Variants in SEMA5B observed in about 807,000 individuals in gnomAD.
SEMA5B encodes the protein semaphorin 5B.
In SEMA5B, 66 loss-of-function variants were observed where a neutral mutation model predicts 135.0. That is an observed-to-expected ratio of 0.49 (90% CI 0.40 to 0.60). The LOEUF (loss-of-function observed/expected upper bound fraction) is 0.60. Ranked by LOEUF, SEMA5B falls within the 20% of genes least tolerant of loss-of-function variation. The pLI, the probability that SEMA5B is intolerant of heterozygous loss-of-function variation, is 0.00. For missense variants in SEMA5B, 1,501 were observed against 1,566.3 expected (o/e 0.96, Z 0.70); for synonymous variants, 690 against 639.5 (o/e 1.08, Z -1.19).
intron 1 of SEMA5B, among the ~76,000 whole-genome samples, chr3:122,990,414 T>G (rs142396238): frequency 6.6e-6 from 1 of 152,258 alleles, no homozygotes; most frequent in Non-Finnish European, 1.5e-5. Flanking sequence ...AAAGGCCACA[T>G]GAGAGCCCAA....
chr3:122,912,101 C>T, intron 19 of SEMA5B, 32 bp from the exon 20 acceptor site: 1 of 1,595,964 alleles, frequency 6.3e-7, no homozygotes, highest in Non-Finnish European at 8.6e-7. Context: ...AGGTTAACTG[C>T]CCAGGGACCC....
intron 1 of SEMA5B, chr3:122,993,030 G>A (rs1182834572): frequency 6.6e-6 from 1 of 152,340 alleles, no homozygotes; most frequent in Non-Finnish European, 1.5e-5. Flanking sequence ...GGGCTGATGA[G>A]GAGTTCTCAG....
chr3:123,003,958 T>C (rs1249420732), intron 1 of SEMA5B, among the ~76,000 whole-genome samples: 1 of 152,224 alleles, frequency 6.6e-6, no homozygotes, highest in African/African-American at 2.4e-5. Context: ...TGACTTCTGG[T>C]GGCTCTTTAT....
In SEMA5B at chr3:122,948,715, A is replaced by C; in HGVS notation, c.125-6T>G. On this transcript the variant is annotated splice_polypyrimidine_tract_variant and splice_region_variant and intron_variant, in intron 2 of 22. Coordinates refer to ENST00000357599, the MANE Select transcript of SEMA5B (RefSeq NM_001031702.4). The stretch of plus-strand genomic sequence containing the variant: ...AGGCAGACAGGGGAGAAGACCTGCA[A>C]CGTAAACACTCAGTCTCACCAAGCG... 1 of 1,588,068 alleles carries C rather than the reference A, an allele frequency of 6.3e-7. No homozygotes were observed. Among genetic ancestry groups the C allele is most frequent in the Non-Finnish European group, 8.6e-7 (1 of 1,161,638 alleles).
intron 5 of SEMA5B, among the ~76,000 whole-genome samples, chr3:122,932,243 A>ATTTTTTTTTTTTTT (rs71136597): frequency 1.2e-5 from 1 of 85,380 alleles, no homozygotes; most frequent in African/African-American, 4.6e-5. Flanking sequence ...TCTCAATATG[A>ATTTTTTTTTTTTTT]TTTTTTTTTT....
At chr3:122,927,061 G>A (rs549746294) in intron 8 of SEMA5B, among the ~76,000 whole-genome samples, 5 of 152,306 alleles carry the variant, frequency 3.3e-5, no homozygotes, top group Admixed American at 6.5e-5. Flanking sequence ...AAAAGTAATC[G>A]CAATTTTCAC....
At chr3:122,964,753 A>G (rs942958279) in intron 1 of SEMA5B, among the ~76,000 whole-genome samples, 1 of 152,210 alleles carries the variant, frequency 6.6e-6, no homozygotes, top group African/African-American at 2.4e-5. Context: ...CTTTAGCTTC[A>G]AACTCAAGGC....
rs1284674552 is a variant in SEMA5B at position 122,913,518 on chromosome 3, C to T, written c.2280+16G>A. The T allele has an allele frequency of 6.2e-7, 1 of 1,605,336 alleles. No individual in the cohort carries two copies. Among genetic ancestry groups the T allele is most frequent in the Non-Finnish European group, 8.5e-7 (1 of 1,177,344 alleles). ...TACCCTACACCGCGCCCCTGGCCCA[C>T]GGCCCCAACCCTCACCACGCCGCAG... is the stretch of plus-strand genomic sequence containing the variant. On this transcript the variant is annotated intron_variant, in intron 16 of 22. Transcript: ENST00000357599.
chr3:122,923,853 G>T lies in SEMA5B; in HGVS notation c.1137-101C>A, dbSNP rs1938495588. On this transcript the variant is annotated intron_variant, in intron 9 of 22. Coordinates refer to ENST00000357599, the MANE Select transcript of SEMA5B (RefSeq NM_001031702.4). Reference sequence around the variant, plus strand: ...TGTCATGTCCAATTCCCAAGGCTCTGTAAGCATCTATGATGTGTCTGGCAC... The same window carrying T: ...TGTCATGTCCAATTCCCAAGGCTCTTTAAGCATCTATGATGTGTCTGGCAC... 4.4e-6 allele frequency: 6 copies of T among 1,358,068 alleles called. No homozygotes were observed. The Admixed American group carries it at 1.0e-4, about 24-fold the overall frequency. The allele number at this position is 1,358,068 out of a possible 1,614,324, so 84.1% of individuals were successfully genotyped here. A position where few individuals can be genotyped will look rare whatever the true frequency, so the allele number is the denominator to read the frequency against.
intron 4 of SEMA5B, among the ~76,000 whole-genome samples, chr3:122,941,552 A>G (rs911703043): frequency 1.3e-5 from 2 of 152,246 alleles, no homozygotes; most frequent in African/African-American, 4.8e-5. Flanking sequence ...TACTACATGT[A>G]TTAGATTAAA....
intron 1 of SEMA5B, among the ~76,000 whole-genome samples, chr3:123,010,009 T>G (rs1942399760): frequency 6.6e-6 from 1 of 152,170 alleles, no homozygotes; most frequent in Non-Finnish European, 1.5e-5. Context: ...AGGTGCCTGA[T>G]TCACCCGGGA....
At chr3:122,997,463 C>T (rs1012966473) in intron 1 of SEMA5B, among the ~76,000 whole-genome samples, 1 of 152,100 alleles carries the variant, frequency 6.6e-6, no homozygotes, top group Non-Finnish European at 1.5e-5. Flanking sequence ...ACCCCATCCC[C>T]TGGTTCACAG....
chr3:122,996,468 C>T (rs1055587496), intron 1 of SEMA5B, among the ~76,000 whole-genome samples: 1 of 152,222 alleles, frequency 6.6e-6, no homozygotes, highest in Non-Finnish European at 1.5e-5. Flanking sequence ...GCTGCCCTGA[C>T]CCCGGCCCCG....
chr3:123,002,539 C>A (rs1221957704), intron 1 of SEMA5B, among the ~76,000 whole-genome samples: 1 of 152,196 alleles, frequency 6.6e-6, no homozygotes, highest in Admixed American at 6.5e-5. Flanking sequence ...CACCAATTAA[C>A]TAAGTGAGAA....
intron 14 of SEMA5B, among the ~76,000 whole-genome samples, chr3:122,915,137 C>T (rs1161198089): frequency 1.3e-5 from 2 of 152,198 alleles, no homozygotes; most frequent in Non-Finnish European, 2.9e-5. Context: ...CCATGCTGTT[C>T]CTCATGTTTG....
At chr3:122,919,941 C>T (rs527845933) in intron 12 of SEMA5B, among the ~76,000 whole-genome samples, 51 of 152,240 alleles carry the variant, frequency 3.3e-4, no homozygotes, top group South Asian at 2.7e-3. Flanking sequence ...AGAATGTGAG[C>T]GCAGGCCTCC....
intron 1 of SEMA5B, chr3:122,975,932 TC>T: frequency 6.8e-7 from 1 of 1,468,354 alleles, no homozygotes. Flanking sequence ...CTCTGGCCAT[TC>T]CCCCTCCATC....
chr3:122,929,041 G>C lies in SEMA5B; in HGVS notation c.492C>G (p.Ser164=). The change falls in exon 6 of 23, where the codon TCC becomes TCG. Residue 164 remains serine (S), a synonymous_variant. Transcript: ENST00000357599. ...GGCAGGAGCGGCGCGTGTCCTCACTGGAGGCCCACTCTGTGGCCTGGGGGA... is the reference window on the plus strand; with the variant it reads ...GGCAGGAGCGGCGCGTGTCCTCACTCGAGGCCCACTCTGTGGCCTGGGGGA... The part of the protein sequence containing the change: ...VSLLQATEWA[S]SEDTRRSCQS... 1 of 1,612,052 alleles carries C rather than the reference G, an allele frequency of 6.2e-7. No homozygotes were observed.
chr3:122,976,327 C>T (rs1254971713), intron 1 of SEMA5B, among the ~76,000 whole-genome samples: 5 of 152,028 alleles, frequency 3.3e-5, no homozygotes, highest in Non-Finnish European at 7.4e-5. Context: ...TTAACCAGCC[C>T]TCCAGACTCT....
Sources: allele counts gnomAD v4.1 joint callset (sites outside exome capture counted in the v4.1 genomes callset), GRCh38; gene constraint gnomAD v4.1.1; transcripts MANE v1.5; gene names NCBI Gene and HGNC (gene_info 2026-07-23, HGNC 2026-07-21).